Variants in DSCAML1 observed in about 807,000 individuals in gnomAD.
DSCAML1 encodes DS cell adhesion molecule like 1.
A neutral mutation model predicts 200.5 loss-of-function variants in DSCAML1; 38 were observed. The observed-to-expected ratio is 0.19, with a 90% CI of 0.15 to 0.25. The LOEUF is 0.25. Ranked by LOEUF, DSCAML1 falls within the 10% of genes least tolerant of loss-of-function variation. The pLI, the probability that DSCAML1 is intolerant of heterozygous loss-of-function variation, is 1.00. For missense variants in DSCAML1, 2,223 were observed against 2,858.8 expected, an observed-to-expected ratio of 0.78 and a Z score of 5.07; for synonymous variants, 1,215 against 1,165.0, an observed-to-expected ratio of 1.04 and a Z score of -0.87.
At chr11:117,432,150 A>G (rs963664092) in intron 30 of DSCAML1, among the ~76,000 whole-genome samples, 2 of 152,186 alleles carry the variant, frequency 1.3e-5, no homozygotes, top group African/African-American at 2.4e-5. Flanking sequence ...GCCCAGAGAG[A>G]TAAAGTTAGT....
chr11:117,615,735 C>G (rs1020959403), intron 3 of DSCAML1, among the ~76,000 whole-genome samples: 1 of 152,154 alleles, frequency 6.6e-6, no homozygotes, highest in Non-Finnish European at 1.5e-5. Flanking sequence ...CACCCTTACC[C>G]TGGGAAGGAA....
intron 1 of DSCAML1, among the ~76,000 whole-genome samples, chr11:117,792,036 C>T (rs2055476016): frequency 6.6e-6 from 1 of 152,188 alleles, no homozygotes. Flanking sequence ...TTCTACCACA[C>T]CAGTGGGTTG....
At chr11:117,549,307 C>T (rs1011911480) in intron 3 of DSCAML1, among the ~76,000 whole-genome samples, 11 of 152,192 alleles carry the variant, frequency 7.2e-5, no homozygotes, top group East Asian at 1.9e-4. Context: ...AAAGGCCCGG[C>T]GCATGTTGGT....
intron 11 of DSCAML1, among the ~76,000 whole-genome samples, chr11:117,493,321 CTTTT>C (rs35975602): frequency 1.4e-5 from 2 of 142,074 alleles, no homozygotes; most frequent in African/African-American, 5.2e-5. Context: ...TGGTCCTCTT[CTTTT>C]TTTTTTTTTT....
rs764722932 is a variant in DSCAML1 at position 117,431,697 on chromosome 11, G to C, written c.5211C>G (p.Ala1737=). ...NPVSRKNVKS[A]HSTRNRYSSQ... is the part of the protein sequence containing the mutation. ...TTGAGTACCGGTTCCGGGTGCTGTG[G>C]GCTGACTTCACATTCTTCCTGGACA... Residue 1737 remains alanine (A), a synonymous_variant, in exon 31 of 33, where the codon GCC becomes GCG. Coordinates refer to ENST00000651296, the MANE Select transcript of DSCAML1 (RefSeq NM_020693.4). The C allele has an allele frequency of 6.2e-7, 1 of 1,600,218 alleles. No homozygotes were observed. The highest frequency in any genetic ancestry group is 2.3e-5 in the East Asian group (1 of 44,436).
rs759980787 is a variant in DSCAML1, at chr11:117,516,618, C to T, written c.1632G>A (p.Leu544=). ...CCACCTGGCGGTGGTTGTCTGGCAG[C>T]AGCAGGGCATCCTTGTACCACTTGA... ...YSIKWYKDAL[L]LPDNHRQVVF... Residue 544 remains leucine, a synonymous_variant, in exon 8 of 33, where the codon CTG becomes CTA. Transcript: ENST00000651296. The surrounding 1 kb of genome is among the most constrained non-coding windows in gnomAD (Gnocchi z 5.7). 1.9e-6 allele frequency: 3 copies of T among 1,613,966 alleles called. No individual in the cohort carries two copies. Among genetic ancestry groups the T allele is most frequent in the South Asian group, 1.1e-5 (1 of 91,078 alleles).
intron 1 of DSCAML1, among the ~76,000 whole-genome samples, chr11:117,794,897 G>A (rs555745527): frequency 1.2e-4 from 19 of 152,244 alleles, no homozygotes; most frequent in African/African-American, 1.9e-4. Context: ...CCTCTGAATC[G>A]CAGGGGCACC....
At chr11:117,684,435 TAAAAAAAAAAAAAA>T in intron 3 of DSCAML1, among the ~76,000 whole-genome samples, 1 of 74,596 alleles carries the variant, frequency 1.3e-5, no homozygotes, top group East Asian at 4.9e-4. Context: ...TTTCATTAAC[TAAAAAAAAAAAAAA>T]AAAAAAAAAA....
At chr11:117,545,285 G>C (rs544135233) in intron 3 of DSCAML1, among the ~76,000 whole-genome samples, 5 of 151,542 alleles carry the variant, frequency 3.3e-5, no homozygotes, top group Non-Finnish European at 5.9e-5. Context: ...TGCACACACA[G>C]AGAAAAGGCC....
chr11:117,465,122 T>G lies in DSCAML1; in HGVS notation c.3085A>C (p.Asn1029His). Residue 1029 changes from asparagine to histidine, a missense_variant, in exon 17 of 33, where the codon AAC becomes CAC. Physicochemically the swap from Asn to His is moderately conservative, Grantham distance 68. Around this residue, in one of 7 missense-constraint regions of DSCAML1, gnomAD observed 438 missense variants for 629.7 expected, o/e 0.70. Coordinates refer to ENST00000651296, the MANE Select transcript of DSCAML1 (RefSeq NM_020693.4). ...IRGYQIGYRE[N>H]SPGSNGQYSI... The stretch of plus-strand genomic sequence containing the variant: ...TACTGCCCGTTGCTGCCGGGGCTGT[T>G]CTCTCTGTAGCCAATCTGGTAGCCC... The G allele has an allele frequency of 1.2e-6, 2 of 1,614,010 alleles. No homozygotes were observed. The highest frequency in any genetic ancestry group is 1.7e-6 in the Non-Finnish European group (2 of 1,179,972).
At chr11:117,690,813 G>A (rs560110455) in intron 3 of DSCAML1, among the ~76,000 whole-genome samples, 4 of 152,332 alleles carry the variant, frequency 2.6e-5, no homozygotes, top group African/African-American at 9.6e-5. Context: ...AGCTACCACA[G>A]GGAACCCTGG....
At chr11:117,645,347 T>A (rs2052500737) in intron 3 of DSCAML1, among the ~76,000 whole-genome samples, 2 of 152,086 alleles carry the variant, frequency 1.3e-5, no homozygotes, top group East Asian at 1.9e-4. Context: ...TGATTTTCTC[T>A]CCTCCCTGGA....
chr11:117,569,779 A>G (rs989113836), intron 3 of DSCAML1, among the ~76,000 whole-genome samples: 2 of 151,656 alleles, frequency 1.3e-5, no homozygotes, highest in African/African-American at 4.9e-5. Flanking sequence ...TGATGAACTC[A>G]CTCCAGGCCT....
At position 117,482,164 on chromosome 11, in the gene DSCAML1, T is replaced by TG. The variant is rs746889051; in HGVS notation, c.2360-3dup. ...GGTGGGAAGTGATCATGGCCGGGAC[T>TG]GGGGGGCGGAGGCAGAGAAGGCCCA... On this transcript the variant is annotated splice_polypyrimidine_tract_variant and splice_region_variant and intron_variant, in intron 11 of 32. Coordinates refer to ENST00000651296, the MANE Select transcript of DSCAML1 (RefSeq NM_020693.4). The TG allele has an allele frequency of 2.8e-5, 45 of 1,613,910 alleles. No individual in the cohort carries two copies. Among genetic ancestry groups the TG allele is most frequent in the East Asian group, 1.6e-4 (7 of 44,872 alleles).
chr11:117,662,907 C>T (rs952098809), intron 3 of DSCAML1, among the ~76,000 whole-genome samples: 1 of 152,178 alleles, frequency 6.6e-6, no homozygotes, highest in African/African-American at 2.4e-5. Context: ...GATTCCCAAG[C>T]ATGTGATTGC....
At position 117,532,526 on chromosome 11, in the gene DSCAML1, G is replaced by C. The variant is rs1256734919; in HGVS notation, c.512-4C>G. The C allele has an allele frequency of 6.2e-7, 1 of 1,613,026 alleles. No individual in the cohort carries two copies. The highest frequency in any genetic ancestry group is 1.3e-5 in the African/African-American group (1 of 75,050). Reference sequence around the variant, plus strand: ...TAGGTAATAAAAAACCTGTGTTCTGGAGACACAATCAGGACATAGTTCGTT... The same window carrying C: ...TAGGTAATAAAAAACCTGTGTTCTGCAGACACAATCAGGACATAGTTCGTT... On this transcript the variant is annotated splice_region_variant and splice_polypyrimidine_tract_variant and intron_variant, in intron 3 of 32. Transcript: ENST00000651296.
rs573481710 is a variant in DSCAML1 at position 117,481,025 on chromosome 11, A to G, written c.2656+149T>C. 27 of 718,324 alleles carry G rather than the reference A, an allele frequency of 3.8e-5. No individual in the cohort carries two copies. The East Asian group carries it at 7.0e-4, about 19-fold the overall frequency. 44.5% of individuals were successfully genotyped at this position (718,324 alleles called of 1,614,324 possible). On this transcript the variant is annotated intron_variant, in intron 13 of 32. Transcript: ENST00000651296. Reference sequence around the variant, plus strand: ...ATTTCCCTACTCTGGGCAGGAGGGCAGGTGGAGGGAGGCTTTTCCCCAGAA... The same window carrying G: ...ATTTCCCTACTCTGGGCAGGAGGGCGGGTGGAGGGAGGCTTTTCCCCAGAA...
In DSCAML1 at chr11:117,438,933, T is replaced by C; in HGVS notation, c.4195A>G (p.Ile1399Val). ...TCACCTGGAATCCAGGTCAGGGTGATGGACGAAGCTGAGGTTTTGGAGACA... is the reference window on the plus strand; with the variant it reads ...TCACCTGGAATCCAGGTCAGGGTGACGGACGAAGCTGAGGTTTTGGAGACA... ...LTVSKTSASS[I>V]TLTWIPGDNG... Residue 1399 changes from isoleucine (I) to valine (V), a missense_variant, in exon 24 of 33, where the codon ATC (isoleucine) becomes GTC (valine). By Grantham distance (29) the Ile-to-Val change is conservative. Coordinates refer to ENST00000651296, the MANE Select transcript of DSCAML1 (RefSeq NM_020693.4). 3 of 1,609,576 alleles carry C rather than the reference T, an allele frequency of 1.9e-6. No homozygotes were observed. The highest frequency in any genetic ancestry group is 1.1e-5 in the South Asian group (1 of 90,306).
At chr11:117,813,305 T>A (rs1828960241) in intron 1 of DSCAML1, among the ~76,000 whole-genome samples, 1 of 152,184 alleles carries the variant, frequency 6.6e-6, no homozygotes, top group African/African-American at 2.4e-5. Flanking sequence ...CCAGACCAAC[T>A]TCGACTGTGC....
Sources: allele counts gnomAD v4.1 joint callset (sites outside exome capture counted in the v4.1 genomes callset), GRCh38; gene constraint gnomAD v4.1.1; regional missense constraint gnomAD v4.1.1; non-coding constraint Gnocchi (gnomAD v3.1); transcripts MANE v1.5; gene names NCBI Gene and HGNC (gene_info 2026-07-23, HGNC 2026-07-21).